DHX15: variants seen among roughly 807,000 people sequenced by gnomAD.
DHX15 encodes the protein DEAH-box helicase 15.
In DHX15, 11 loss-of-function variants were observed where a neutral mutation model predicts 94.4. The observed-to-expected ratio is 0.12, with a 90% CI of 0.07 to 0.19. The LOEUF (loss-of-function observed/expected upper bound fraction) is 0.19. Among genes scored for constraint, DHX15 ranks in the 10% least tolerant of loss-of-function variants. The pLI is 1.00. For synonymous variants in DHX15, 338 were observed against 329.9 expected (o/e 1.02, Z -0.27); for missense variants, 304 against 988.5 (o/e 0.31, Z 9.29).
intron 5 of DHX15, among the ~76,000 whole-genome samples, chr4:24,550,831 T>C (rs900424756): frequency 6.6e-6 from 1 of 152,248 alleles, no homozygotes; most frequent in African/African-American, 2.4e-5. Context: ...TCATTATTAT[T>C]ATGTACTGGA....
intron 1 of DHX15, among the ~76,000 whole-genome samples, chr4:24,582,338 G>A (rs1225783768): frequency 6.6e-6 from 1 of 152,174 alleles, no homozygotes; most frequent in South Asian, 2.1e-4. Flanking sequence ...GCTACCATTA[G>A]ACTCCAAAAG....
In DHX15 at chr4:24,537,017, A is replaced by C. The variant is rs1332254310; in HGVS notation, c.1909+34T>G. On this transcript the variant is annotated intron_variant, in intron 11 of 13. Coordinates refer to ENST00000336812, the MANE Select transcript of DHX15 (RefSeq NM_001358.3). The surrounding 1 kb of genome is among the most constrained non-coding windows in gnomAD (Gnocchi z 4.7). ...ATCTTATACACTGCAAGTGACATTTAGACAAGAGTGTCTCCAATCAAATTT... is the reference window on the plus strand; with the variant it reads ...ATCTTATACACTGCAAGTGACATTTCGACAAGAGTGTCTCCAATCAAATTT... 4 of 1,603,012 alleles carry C rather than the reference A, an allele frequency of 2.5e-6. No individual in the cohort carries two copies. Among genetic ancestry groups the C allele is most frequent in the Non-Finnish European group, 2.6e-6 (3 of 1,173,826 alleles).
rs547204397 is a variant in DHX15, at chr4:24,551,382, G to A, written c.1081-2360C>T. On this transcript the variant is annotated intron_variant, in intron 5 of 13. Coordinates refer to ENST00000336812, the MANE Select transcript of DHX15 (RefSeq NM_001358.3). ...GACATTTACTTTATATTTTTTTAATGTCCAACTGTGTCTCTATATCAAAAA... is the reference window on the plus strand; with the variant it reads ...GACATTTACTTTATATTTTTTTAATATCCAACTGTGTCTCTATATCAAAAA... 2.6e-5 allele frequency among the ~76,000 whole-genome samples: 4 copies of A among 152,102 alleles called. No homozygotes were observed. In the East Asian group the frequency reaches 7.7e-4, roughly 29 times the overall value.
rs1194558422 is a variant in DHX15, at chr4:24,548,258, TCTG to T, written c.1248+594_1248+596del. On this transcript the variant is annotated intron_variant, in intron 6 of 13. Coordinates refer to ENST00000336812, the MANE Select transcript of DHX15 (RefSeq NM_001358.3). ...CTAGGGTTCAAGCGATTCTCCTGCC[TCTG>T]CCTCCTGAGTAGCTGGAATTACAGG... Among the ~76,000 whole-genome samples the T allele has an allele frequency of 4.5e-4, 68 of 150,538 alleles. 1 individual carries two copies. Among genetic ancestry groups the T allele is most frequent in the African/African-American group, 1.6e-3 (66 of 40,998 alleles).
At position 24,549,033 on chromosome 4, in the gene DHX15, A is replaced by G. The variant is rs779373223; in HGVS notation, c.1081-11T>C. ...GGCTTCATCAATTTCCTACAAAATAAAAGTGAGTCTAAAAACGAATACTGA... is the reference window on the plus strand; with the variant it reads ...GGCTTCATCAATTTCCTACAAAATAGAAGTGAGTCTAAAAACGAATACTGA... On this transcript the variant is annotated splice_polypyrimidine_tract_variant and intron_variant, in intron 5 of 13. Transcript: ENST00000336812. The G allele has an allele frequency of 5.6e-6, 9 of 1,603,050 alleles. No individual in the cohort carries two copies. Among genetic ancestry groups the G allele is most frequent in the Admixed American group, 3.5e-5 (2 of 57,950 alleles).
chr4:24,576,164 T>C, intron 2 of DHX15, 79 bp downstream of exon 2: 1 of 1,157,720 alleles, frequency 8.6e-7, no homozygotes, highest in Non-Finnish European at 1.3e-6. Flanking sequence ...ACAAGGGAAA[T>C]GACCACCAGA....
Position 24,540,960 on chromosome 4 carries a change from C to T in DHX15, c.1486-12G>A, listed in dbSNP as rs765559612. 2.6e-6 allele frequency: 4 copies of T among 1,518,492 alleles called. No homozygotes were observed. The Admixed American group carries it at 7.5e-5, about 29-fold the overall frequency. The allele number at this position is 1,518,492 out of a possible 1,614,324, so 94.1% of individuals were successfully genotyped here. A position where few individuals can be genotyped will look rare whatever the true frequency, so the allele number is the denominator to read the frequency against. ...GGATAGGTGTTATCCTAGCAAAGAA[C>T]AAAAACATTTATTGGTTATGTTAAA... On this transcript the variant is annotated splice_polypyrimidine_tract_variant and intron_variant, in intron 8 of 13. Coordinates refer to ENST00000336812, the MANE Select transcript of DHX15 (RefSeq NM_001358.3).
intron 1 of DHX15, among the ~76,000 whole-genome samples, chr4:24,583,323 A>T (rs115065832): frequency 2.4e-4 from 36 of 152,346 alleles, no homozygotes; most frequent in African/African-American, 8.4e-4. Context: ...AGGAATCTGG[A>T]ACACCAAGAG....
At chr4:24,536,279 G>C (rs1721195552) in intron 11 of DHX15, among the ~76,000 whole-genome samples, 1 of 151,982 alleles carries the variant, frequency 6.6e-6, no homozygotes, top group Admixed American at 6.6e-5. Context: ...CATTTAGGTA[G>C]CCAATTTTTT....
chr4:24,572,226 CA>C (rs1722138399), intron 2 of DHX15, among the ~76,000 whole-genome samples: 1 of 152,150 alleles, frequency 6.6e-6, no homozygotes, highest in Non-Finnish European at 1.5e-5. Flanking sequence ...CTGTAACCAC[CA>C]AGGTTCAAGC....
chr4:24,552,890 T>C (rs1721638349), intron 5 of DHX15, among the ~76,000 whole-genome samples: 1 of 152,214 alleles, frequency 6.6e-6, no homozygotes, highest in Non-Finnish European at 1.5e-5. Context: ...GCTGTGGGAT[T>C]CACAGAAAAT....
intron 6 of DHX15, among the ~76,000 whole-genome samples, chr4:24,543,602 G>A (rs1030367160): frequency 6.6e-6 from 1 of 152,072 alleles, no homozygotes; most frequent in African/African-American, 2.4e-5. Flanking sequence ...CATGTAATAC[G>A]TTACTACATA....
chr4:24,546,938 C>T (rs1461046572), intron 6 of DHX15, among the ~76,000 whole-genome samples: 4 of 143,538 alleles, frequency 2.8e-5, no homozygotes, highest in African/African-American at 5.0e-5. Flanking sequence ...CACAATTAGA[C>T]ACAAACAGTA....
chr4:24,529,702 G>C lies in DHX15; in HGVS notation c.2169C>G (p.Pro723=). 27 of 1,614,164 alleles carry C rather than the reference G, an allele frequency of 1.7e-5. No homozygotes were observed. The highest frequency in any genetic ancestry group is 2.3e-5 in the Non-Finnish European group (27 of 1,179,998). Residue 723 remains proline (P), a synonymous_variant, in exon 13 of 14, where the codon CCC becomes CCG. Transcript: ENST00000336812. ...CAGGTTTGTGGTCAAGAACAGTAGA[G>C]GGATGCAACTGAACCACCTGGTTAT... ...VKDNQVVQLH[P]STVLDHKPEW...
chr4:24,530,814 A>G (rs1030075449), intron 12 of DHX15: 1 of 152,224 alleles, frequency 6.6e-6, no homozygotes, highest in Non-Finnish European at 1.5e-5. Context: ...ATGAGCATGA[A>G]TAATAGAAAA....
chr4:24,579,685 T>C (rs1159080757), intron 1 of DHX15, among the ~76,000 whole-genome samples: 1 of 152,246 alleles, frequency 6.6e-6, no homozygotes, highest in Non-Finnish European at 1.5e-5. Context: ...AGAGTATAGA[T>C]AGGATTAAAT....
intron 3 of DHX15, chr4:24,563,258 C>T (rs1435658543): frequency 6.6e-6 from 1 of 152,148 alleles, no homozygotes; most frequent in East Asian, 1.9e-4. Flanking sequence ...ACAATCCCAC[C>T]ACTGATCAGC....
chr4:24,575,878 A>G (rs1306083156), intron 2 of DHX15, among the ~76,000 whole-genome samples: 3 of 152,210 alleles, frequency 2.0e-5, no homozygotes, highest in African/African-American at 2.4e-5. Flanking sequence ...CATTTTTTGC[A>G]TGGTTCAAAA....
intron 2 of DHX15, among the ~76,000 whole-genome samples, chr4:24,571,430 AG>A (rs1722121094): frequency 6.6e-6 from 1 of 152,234 alleles, no homozygotes; most frequent in African/African-American, 2.4e-5. Flanking sequence ...CAAATTTAAC[AG>A]GACCTAGAGC....
Sources: allele counts gnomAD v4.1 joint callset (sites outside exome capture counted in the v4.1 genomes callset), GRCh38; gene constraint gnomAD v4.1.1; non-coding constraint Gnocchi (gnomAD v3.1); transcripts MANE v1.5; gene names NCBI Gene and HGNC (gene_info 2026-07-23, HGNC 2026-07-21).